Variants in SNRPN observed in about 807,000 individuals in gnomAD.
SNRPN encodes small nuclear ribonucleoprotein polypeptide N, also known as small nuclear ribonucleoprotein-associated protein N.
SNRPN carries 7 observed loss-of-function variants against 25.2 expected under a neutral mutation model. That is an observed-to-expected ratio of 0.28 (90% confidence interval 0.16 to 0.52). SNRPN has a LOEUF of 0.52. Among genes scored for constraint, SNRPN ranks in the 20% least tolerant of loss-of-function variants. The pLI, the probability that SNRPN is intolerant of heterozygous loss-of-function variation, is 0.96. For missense variants in SNRPN, 196 were observed against 322.5 expected (o/e 0.61, Z 3.00); for synonymous variants, 124 against 110.6 (o/e 1.12, Z -0.76).
chr15:24,834,386 T>A (rs924309892), intron 2 of SNRPN, among the ~76,000 whole-genome samples: 1 of 152,030 alleles, frequency 6.6e-6, no homozygotes, highest in African/African-American at 2.4e-5. Context: ...AAAGCACCAG[T>A]CTTTGGTATA....
chr15:24,940,629 G>A (rs1338666304), intron 3 of SNRPN, among the ~76,000 whole-genome samples: 1 of 152,098 alleles, frequency 6.6e-6, no homozygotes, highest in Non-Finnish European at 1.5e-5. Context: ...AATGTGACTT[G>A]TAGGACTACG....
At position 24,916,713 on chromosome 15, in the gene SNRPN, C is replaced by T. The variant is rs74247858; in HGVS notation, c.-504-3298C>T. Among the ~76,000 whole-genome samples, 174 of 152,218 alleles carry T rather than the reference C, an allele frequency of 1.1e-3. 7 individuals carry two copies. In the East Asian group the frequency reaches 0.029, roughly 25 times the overall value. On this transcript the variant is annotated intron_variant, in intron 2 of 11. Coordinates refer to the SNRPN transcript ENST00000400097. ...GCATTTGTTGAGGAAGTAGTACGCT[C>T]GTGTTTGAAATTTTAATTAAGAATT...
intron 2 of SNRPN, among the ~76,000 whole-genome samples, chr15:24,844,301 T>A (rs200739606): frequency 2.0e-5 from 3 of 152,322 alleles, no homozygotes; most frequent in South Asian, 4.1e-4. Flanking sequence ...CATTAACTTG[T>A]TCGTCATCCA....
chr15:24,945,046 T>C (rs987550446), intron 3 of SNRPN, among the ~76,000 whole-genome samples: 1 of 152,182 alleles, frequency 6.6e-6, no homozygotes, highest in South Asian at 2.1e-4. Flanking sequence ...CCATCCAGGT[T>C]AATGTTTGAC....
chr15:24,826,017 C>G (rs984336995), intron 1 of SNRPN, among the ~76,000 whole-genome samples: 1 of 152,000 alleles, frequency 6.6e-6, no homozygotes, highest in Non-Finnish European at 1.5e-5. Context: ...GTTGGGCTAC[C>G]TTTATCCTTG....
chr15:24,889,043 G>C lies in SNRPN; in HGVS notation c.-505+2454G>C, dbSNP rs556837869. 7.9e-5 allele frequency among the ~76,000 whole-genome samples: 12 copies of C among 151,838 alleles called. No homozygotes were observed. In the East Asian group the frequency reaches 2.3e-3, roughly 30 times the overall value. The stretch of plus-strand genomic sequence containing the variant: ...TGCCATTCTCTTGCCTCAGCCTCCC[G>C]AGTAGCTGGAACTACAGGCACACGC... On this transcript the variant is annotated intron_variant, in intron 2 of 11. Coordinates refer to the SNRPN transcript ENST00000400097.
intron 2 of SNRPN, among the ~76,000 whole-genome samples, chr15:24,898,912 TCAAA>T (rs552939697): frequency 7.0e-4 from 107 of 152,200 alleles, no homozygotes; most frequent in African/African-American, 2.4e-3. Flanking sequence ...TTATTGGTGA[TCAAA>T]CAAAGAAACA....
At chr15:24,934,993 C>G (rs1318035928) in intron 3 of SNRPN, among the ~76,000 whole-genome samples, 1 of 151,946 alleles carries the variant, frequency 6.6e-6, no homozygotes, top group East Asian at 1.9e-4. Context: ...ATTTTTGTGC[C>G]GGGTTCAGTG....
intron 3 of SNRPN, among the ~76,000 whole-genome samples, chr15:24,969,605 T>G (rs2076146263): frequency 6.6e-6 from 1 of 152,232 alleles, no homozygotes; most frequent in Admixed American, 6.5e-5. Flanking sequence ...AACTGATTTT[T>G]TACTTTTTAG....
At chr15:24,882,078 G>C (rs2056751568) in intron 1 of SNRPN, among the ~76,000 whole-genome samples, 1 of 152,036 alleles carries the variant, frequency 6.6e-6, no homozygotes, top group Non-Finnish European at 1.5e-5. Flanking sequence ...CATATCCTTA[G>C]TGTATCATTT....
chr15:24,910,276 G>T (rs1187134712), intron 2 of SNRPN, among the ~76,000 whole-genome samples: 1 of 152,098 alleles, frequency 6.6e-6, no homozygotes, highest in Non-Finnish European at 1.5e-5. Flanking sequence ...TCTCTTAACT[G>T]CTTATAGTAA....
chr15:24,926,761 G>A (rs77979767), intron 3 of SNRPN, among the ~76,000 whole-genome samples: 19,695 of 151,944 alleles, frequency 0.13, 1,383 homozygotes, highest in South Asian at 0.22. Context: ...TCCCAGCACC[G>A]TGGGAGGCTG....
At chr15:24,894,914 G>A (rs76338602) in intron 2 of SNRPN, among the ~76,000 whole-genome samples, 7,969 of 152,198 alleles carry the variant, frequency 0.052, 736 homozygotes, top group African/African-American at 0.18. Context: ...ACAGATTAAT[G>A]AGAGAAAATC....
intron 1 of SNRPN, among the ~76,000 whole-genome samples, chr15:24,863,807 G>A (rs2054249405): frequency 6.6e-6 from 1 of 150,436 alleles, no homozygotes; most frequent in African/African-American, 2.5e-5. Context: ...GGACACATCT[G>A]CGTTCTGGAA....
chr15:24,845,948 G>T (rs2052158549), intron 2 of SNRPN, among the ~76,000 whole-genome samples: 1 of 152,006 alleles, frequency 6.6e-6, no homozygotes, highest in African/African-American at 2.4e-5. Context: ...AGCCGAGCGT[G>T]GTGGCAAGCG....
intron 2 of SNRPN, among the ~76,000 whole-genome samples, chr15:24,841,945 C>G (rs1457655434): frequency 6.6e-6 from 1 of 152,150 alleles, no homozygotes; most frequent in South Asian, 2.1e-4. Flanking sequence ...GAACTATGAT[C>G]TGCTGTTTCC....
chr15:24,902,784 G>A (rs1266264817), intron 2 of SNRPN, among the ~76,000 whole-genome samples: 1 of 152,202 alleles, frequency 6.6e-6, no homozygotes, highest in African/African-American at 2.4e-5. Flanking sequence ...GACCTTTGCG[G>A]TGTTACAAGC....
At chr15:24,862,590 G>A (rs1023491580) in intron 1 of SNRPN, among the ~76,000 whole-genome samples, 1 of 151,138 alleles carries the variant, frequency 6.6e-6, no homozygotes, top group Non-Finnish European at 1.5e-5. Context: ...CACTGCATGT[G>A]TGGGGCTCAC....
At chr15:24,887,191 A>G (rs2057273904) in intron 2 of SNRPN, among the ~76,000 whole-genome samples, 2 of 133,202 alleles carry the variant, frequency 1.5e-5, no homozygotes, top group Non-Finnish European at 3.1e-5. Context: ...TCTGTTGCCC[A>G]GACTGGAGTG....
Sources: allele counts gnomAD v4.1 joint callset (sites outside exome capture counted in the v4.1 genomes callset), GRCh38; gene constraint gnomAD v4.1.1; transcripts MANE v1.5; gene names NCBI Gene and HGNC (gene_info 2026-07-23, HGNC 2026-07-21).